Variants in ZNF469 observed in about 807,000 individuals in gnomAD.
ZNF469 encodes the protein zinc finger protein 469.
In ZNF469, 1 loss-of-function variant was observed where a neutral mutation model predicts 1.0. The observed-to-expected ratio is 1.00, with a 90% CI of 0.35 to 4.73. The LOEUF (loss-of-function observed/expected upper bound fraction) is 4.73. ZNF469 is among the 30% of genes most tolerant of loss of function. The pLI, the probability that ZNF469 is intolerant of heterozygous loss-of-function variation, is 0.16. For synonymous variants in ZNF469, 2,703 were observed against 2,363.4 expected, an observed-to-expected ratio of 1.14 and a Z score of -4.17; for missense variants, 6,100 against 5,356.3, an observed-to-expected ratio of 1.14 and a Z score of -4.33.
At chr16:88,165,644 T>C in the ZNF469 span, among the ~76,000 whole-genome samples, 2 of 152,220 alleles carry the variant, frequency 1.3e-5, no homozygotes, top group Admixed American at 1.3e-4. Flanking sequence ...TAAGACGTAC[T>C]ATCTTAACCA....
At chr16:88,301,700 G>A in the ZNF469 span, among the ~76,000 whole-genome samples, 1 of 152,212 alleles carries the variant, frequency 6.6e-6, no homozygotes, top group African/African-American at 2.4e-5. Flanking sequence ...GGCACCACTG[G>A]TATGGGGCAG....
the ZNF469 span, among the ~76,000 whole-genome samples, chr16:88,192,994 GTGGTGGTGA>G: frequency 1.9e-4 from 24 of 123,158 alleles, no homozygotes; most frequent in East Asian, 4.5e-4. Context: ...GGTGATGGTG[GTGGTGGTGA>G]TGGTGGTGAT....
chr16:88,183,058 C>G, the ZNF469 span, among the ~76,000 whole-genome samples: 1 of 152,134 alleles, frequency 6.6e-6, no homozygotes, highest in Non-Finnish European at 1.5e-5. Context: ...CAAATATAAT[C>G]CACTAAAAAG....
the ZNF469 span, among the ~76,000 whole-genome samples, chr16:88,184,738 T>G: frequency 6.6e-6 from 1 of 152,088 alleles, no homozygotes; most frequent in Non-Finnish European, 1.5e-5. Flanking sequence ...CTCCAGCGTG[T>G]TGGGACGTGC....
At chr16:88,348,940 G>A in the ZNF469 span, among the ~76,000 whole-genome samples, 1 of 152,142 alleles carries the variant, frequency 6.6e-6, no homozygotes, top group Admixed American at 6.5e-5. Context: ...GACAGGGTAG[G>A]GCTCACCACA....
the ZNF469 span, among the ~76,000 whole-genome samples, chr16:88,227,159 A>AT: frequency 6.6e-6 from 1 of 151,986 alleles, no homozygotes; most frequent in Non-Finnish European, 1.5e-5. Flanking sequence ...CACTGCAGGG[A>AT]TCCCTGCGGC....
intron 1 of ZNF469, among the ~76,000 whole-genome samples, chr16:88,390,938 G>A (rs1453147356): frequency 6.6e-6 from 1 of 152,234 alleles, no homozygotes; most frequent in African/African-American, 2.4e-5. Flanking sequence ...GGCAGCTCAT[G>A]GTCAGCAGTT....
the ZNF469 span, among the ~76,000 whole-genome samples, chr16:88,241,492 T>C: frequency 5.3e-5 from 8 of 151,954 alleles, no homozygotes; most frequent in Non-Finnish European, 7.4e-5. This position sits in a 1 kb window ranked among gnomAD's most constrained non-coding sequence, Gnocchi z 4.8. Flanking sequence ...CTCACTGGGG[T>C]GGGCTCAGGT....
At chr16:88,306,019 A>T in the ZNF469 span, among the ~76,000 whole-genome samples, 1 of 152,184 alleles carries the variant, frequency 6.6e-6, no homozygotes, top group African/African-American at 2.4e-5. Flanking sequence ...AGCCATACAC[A>T]TGTGGGTGTG....
At chr16:88,154,200 C>G in the ZNF469 span, among the ~76,000 whole-genome samples, 1 of 152,208 alleles carries the variant, frequency 6.6e-6, no homozygotes, top group East Asian at 1.9e-4. Context: ...CTCTGTCGCC[C>G]AGGCTGGAGT....
At chr16:88,331,555 C>T in the ZNF469 span, among the ~76,000 whole-genome samples, 5 of 151,248 alleles carry the variant, frequency 3.3e-5, no homozygotes, top group South Asian at 6.3e-4. Flanking sequence ...TCACCACCAT[C>T]GTCATCACCA....
intron 1 of ZNF469, among the ~76,000 whole-genome samples, chr16:88,403,005 C>T (rs1167769709): frequency 1.3e-5 from 2 of 152,212 alleles, no homozygotes; most frequent in African/African-American, 2.4e-5. Context: ...CAACACCCGC[C>T]GTGCATACCA....
Position 88,437,171 on chromosome 16 carries a change from C to G in ZNF469, c.9701C>G (p.Pro3234Arg). 1.3e-6 allele frequency: 2 copies of G among 1,549,458 alleles called. No individual in the cohort carries two copies. Among genetic ancestry groups the G allele is most frequent in the East Asian group, 2.4e-5 (1 of 40,904 alleles). The change falls in exon 3 of 3, where the codon CCC (proline) becomes CGC (arginine). Residue 3234 changes from proline (P) to arginine (R), a missense_variant. Pro to Arg is a moderately radical substitution (Grantham distance 103). Transcript: ENST00000565624. ...CACCTTCTGAACAGCATCACGGAAC[C>G]CGCGCCCAAACACCACAGGGGCAAG... ...VAHLLNSITE[P>R]APKHHRGKRS...
the ZNF469 span, among the ~76,000 whole-genome samples, chr16:88,303,012 C>G: frequency 6.6e-6 from 1 of 152,176 alleles, no homozygotes; most frequent in Non-Finnish European, 1.5e-5. Flanking sequence ...GTCCCGGGTG[C>G]CAGTGTGGAG....
the ZNF469 span, among the ~76,000 whole-genome samples, chr16:88,295,052 G>A: frequency 1.4e-5 from 2 of 138,440 alleles, no homozygotes; most frequent in African/African-American, 2.7e-5. Context: ...CCCCCAGGAT[G>A]TGGCAGGGCT....
At chr16:88,411,306 G>T (rs922539074) in intron 1 of ZNF469, among the ~76,000 whole-genome samples, 6 of 152,110 alleles carry the variant, frequency 3.9e-5, no homozygotes, top group African/African-American at 1.4e-4. Context: ...AGACCCCAGC[G>T]AGCCAGCATC....
the ZNF469 span, among the ~76,000 whole-genome samples, chr16:88,300,104 G>C: frequency 8.5e-5 from 13 of 152,218 alleles, no homozygotes; most frequent in African/African-American, 2.9e-4. Flanking sequence ...ATTGTCCCTT[G>C]ATTGCCTGAC....
At chr16:88,119,824 G>C in the ZNF469 span, among the ~76,000 whole-genome samples, 1 of 152,230 alleles carries the variant, frequency 6.6e-6, no homozygotes, top group African/African-American at 2.4e-5. Flanking sequence ...GCGTGTCGTA[G>C]GGAGTGGGGT....
chr16:88,140,920 G>T, the ZNF469 span, among the ~76,000 whole-genome samples: 1 of 152,118 alleles, frequency 6.6e-6, no homozygotes, highest in African/African-American at 2.4e-5. Context: ...GTGACAGAAG[G>T]AGACTCTGTC....
Sources: gnomAD v4.1 joint callset for allele counts (sites outside exome capture counted in the v4.1 genomes callset) on GRCh38, gnomAD v4.1.1 for gene constraint, Gnocchi (gnomAD v3.1) non-coding constraint, MANE v1.5 for transcripts, NCBI Gene and HGNC (gene_info 2026-07-23, HGNC 2026-07-21) for gene names.